UNK: variants seen among roughly 807,000 people sequenced by gnomAD.
The protein encoded by UNK is RING finger protein unkempt homolog.
Under a neutral mutation model 97.6 loss-of-function variants are expected in UNK, and 32 were observed. The ratio of observed to expected loss-of-function variants is 0.33; its 90% CI spans 0.25 to 0.44. The LOEUF is 0.44. UNK is among the 20% of genes least tolerant of loss of function. The probability of loss-of-function intolerance (pLI) is 1.00; values close to 1 mark genes in which losing one functional copy is unlikely to be tolerated. For synonymous variants in UNK, 441 were observed against 461.2 expected (o/e 0.96, Z 0.56); for missense variants, 771 against 1,098.4 (o/e 0.70, Z 4.21).
At chr17:75,799,026 A>G (rs948407945) in intron 1 of UNK, among the ~76,000 whole-genome samples, 1 of 151,806 alleles carries the variant, frequency 6.6e-6, no homozygotes, top group African/African-American at 2.4e-5. Context: ...AGATCGGGCC[A>G]CTGGACTCCA....
rs1021452108 is a variant in UNK, at chr17:75,809,842, C to A, written c.187C>A (p.His63Asn). The A allele has an allele frequency of 3.1e-6, 5 of 1,613,686 alleles. No individual in the cohort carries two copies. Among genetic ancestry groups the A allele is most frequent in the Non-Finnish European group, 4.2e-6 (5 of 1,179,876 alleles). The stretch of plus-strand genomic sequence containing the variant: ...GCAGCATCGGCCCTACACCTGCTTC[C>A]ACTGGCACTTCGTGAACCAGCGGCG... ...CTQHRPYTCF[H>N]WHFVNQRRRR... The change falls in exon 2 of 16, where the codon CAC (histidine) becomes AAC (asparagine). Residue 63 changes from histidine (H) to asparagine (N), a missense_variant. By Grantham distance (68) the His-to-Asn change is moderately conservative. Coordinates refer to ENST00000589666, the MANE Select transcript of UNK (RefSeq NM_001080419.3).
In UNK at chr17:75,819,041, G is replaced by A; in HGVS notation, c.1546+225G>A. The A allele has an allele frequency of 2.0e-6, 1 of 493,228 alleles. No individual in the cohort carries two copies. The highest frequency in any genetic ancestry group is 3.5e-5 in the East Asian group (1 of 28,580). The allele number at this position is 493,228 out of a possible 1,614,324, so 30.6% of individuals were successfully genotyped here. A position where few individuals can be genotyped will look rare whatever the true frequency, so the allele number is the denominator to read the frequency against. ...TCCTTTGTGCAAATTAGAAAGAGGTGCCTTTTCCCCTTGGTGAGTACAGTC... is the reference window on the plus strand; with the variant it reads ...TCCTTTGTGCAAATTAGAAAGAGGTACCTTTTCCCCTTGGTGAGTACAGTC... On this transcript the variant is annotated intron_variant, in intron 11 of 15. Coordinates refer to ENST00000589666, the MANE Select transcript of UNK (RefSeq NM_001080419.3). The surrounding 1 kb of genome is among the most constrained non-coding windows in gnomAD (Gnocchi z 5.4).
intron 1 of UNK, 129 bp from the exon 2 acceptor site, chr17:75,809,631 C>T: frequency 1.0e-6 from 1 of 965,846 alleles, no homozygotes; most frequent in Non-Finnish European, 1.5e-6. Flanking sequence ...CTGGGTCTCT[C>T]CTGGTGTTCC....
chr17:75,817,367 C>T lies in UNK; in HGVS notation c.1146C>T (p.Leu382=), dbSNP rs199969218. ...GCAGCCTAGGCAGCCCGTCTAACCT[C>T]TGCGGCTCCCCACCGGGCTCCATCA... The part of the protein sequence containing the change: ...RNSSLGSPSN[L]CGSPPGSIRK... The change falls in exon 9 of 16, where the codon CTC becomes CTT. Residue 382 remains leucine, a synonymous_variant. Coordinates refer to ENST00000589666, the MANE Select transcript of UNK (RefSeq NM_001080419.3). This position sits in a 1 kb window ranked among gnomAD's most constrained non-coding sequence, Gnocchi z 5.8. The T allele has an allele frequency of 9.9e-6, 16 of 1,609,524 alleles. 1 individual carries two copies. Among genetic ancestry groups the T allele is most frequent in the Non-Finnish European group, 1.4e-5 (16 of 1,177,552 alleles).
intron 1 of UNK, among the ~76,000 whole-genome samples, chr17:75,801,059 A>G (rs1350588116): frequency 6.6e-6 from 1 of 151,512 alleles, no homozygotes; most frequent in Admixed American, 6.6e-5. Context: ...GCCAGCCACC[A>G]CGCCCGGCTA....
intron 1 of UNK, among the ~76,000 whole-genome samples, chr17:75,796,178 C>T (rs1567795753): frequency 6.6e-6 from 1 of 152,130 alleles, no homozygotes; most frequent in Non-Finnish European, 1.5e-5. Context: ...TCACCAGACA[C>T]TTATTTTATT....
chr17:75,793,368 T>G, intron 1 of UNK: 1 of 963,498 alleles, frequency 1.0e-6, no homozygotes, highest in Non-Finnish European at 1.2e-6. Flanking sequence ...ACTATATTAG[T>G]TCAAGTAATC....
chr17:75,792,028 T>C, intron 1 of UNK: 1 of 985,460 alleles, frequency 1.0e-6, no homozygotes. Context: ...AGGTGAGGTC[T>C]CTTTCCTGTG....
Position 75,819,014 on chromosome 17 carries a change from G to A in UNK, c.1546+198G>A, listed in dbSNP as rs577298690. On this transcript the variant is annotated intron_variant, in intron 11 of 15. Coordinates refer to ENST00000589666, the MANE Select transcript of UNK (RefSeq NM_001080419.3). The surrounding 1 kb of genome is among the most constrained non-coding windows in gnomAD (Gnocchi z 5.4). ...TGTAGGGCCAGGACTGACCCTTAGA[G>A]CTCCTTTGTGCAAATTAGAAAGAGG... is the stretch of plus-strand genomic sequence containing the variant. 5.0e-4 allele frequency: 277 copies of A among 556,424 alleles called. No homozygotes were observed. The highest frequency in any genetic ancestry group is 4.9e-3 in the African/African-American group (253 of 51,446). The allele number at this position is 556,424 out of a possible 1,614,324, so 34.5% of individuals were successfully genotyped here. A position where few individuals can be genotyped will look rare whatever the true frequency, so the allele number is the denominator to read the frequency against.
In UNK at chr17:75,816,957, A is replaced by G. The variant is rs2143804302; in HGVS notation, c.1104+45A>G. On this transcript the variant is annotated intron_variant, in intron 8 of 15. Coordinates refer to ENST00000589666, the MANE Select transcript of UNK (RefSeq NM_001080419.3). This position sits in a 1 kb window ranked among gnomAD's most constrained non-coding sequence, Gnocchi z 4.0. ...AGTGGGTGGGCACCATGCCTGACAG[A>G]GCCAATACTTGCCTCCTAGGCCCTT... The G allele has an allele frequency of 2.5e-6, 4 of 1,569,034 alleles. No individual in the cohort carries two copies. The highest frequency in any genetic ancestry group is 3.4e-6 in the Non-Finnish European group (4 of 1,162,852).
chr17:75,810,109 C>A, intron 2 of UNK, 140 bp downstream of exon 2: 1 of 993,290 alleles, frequency 1.0e-6, no homozygotes, highest in Non-Finnish European at 1.5e-6. Flanking sequence ...TGGACTCAGA[C>A]CCCACCATCC....
rs2062096022 is a variant in UNK at position 75,824,109 on chromosome 17, C to G, written c.2278-153C>G. 6.6e-6 allele frequency among the ~76,000 whole-genome samples: 1 copy of G among 152,128 alleles called. No homozygotes were observed. The highest frequency in any genetic ancestry group is 1.5e-5 in the Non-Finnish European group (1 of 68,014). ...CATGCAGAGGTGGACTCAGCCTGCT[C>G]TCTCACCTGCCAACAGGGGTCTGGG... On this transcript the variant is annotated intron_variant, in intron 15 of 15. Transcript: ENST00000589666. This position sits in a 1 kb window ranked among gnomAD's most constrained non-coding sequence, Gnocchi z 4.9.
At chr17:75,795,789 G>A (rs559040554) in intron 1 of UNK, among the ~76,000 whole-genome samples, 1 of 152,246 alleles carries the variant, frequency 6.6e-6, no homozygotes, top group African/African-American at 2.4e-5. Context: ...GGCCCCACAG[G>A]GCAAGGGGAC....
intron 6 of UNK, 106 bp downstream of exon 6, chr17:75,813,984 A>G (rs2061993982): frequency 9.6e-7 from 1 of 1,041,082 alleles, no homozygotes; most frequent in Non-Finnish European, 1.4e-6. Flanking sequence ...ATCCTGGAAG[A>G]GGGACTTGTG....
At chr17:75,788,414 G>C (rs926103684) in intron 1 of UNK, among the ~76,000 whole-genome samples, 1 of 152,088 alleles carries the variant, frequency 6.6e-6, no homozygotes, top group Non-Finnish European at 1.5e-5. Context: ...TCCTAACCTC[G>C]TGATCCGCCC....
chr17:75,823,419 A>G lies in UNK; in HGVS notation c.2174A>G (p.Glu725Gly). Residue 725 changes from glutamate to glycine, a missense_variant, in exon 15 of 16, where the codon GAG (glutamate) becomes GGG (glycine). This residue lies in a region of UNK where 208 missense variants were observed against 257.4 expected (regional missense o/e 0.81). Transcript: ENST00000589666. ...CTGGAGCGGCTACACGCGGGGCCTG[A>G]GCCCCAGGCCCTGCCCGCCTTCTCC... ...EELERLHAGP[E>G]PQALPAFSDL... 3.1e-6 allele frequency: 5 copies of G among 1,599,030 alleles called. No individual in the cohort carries two copies. Among genetic ancestry groups the G allele is most frequent in the South Asian group, 1.1e-5 (1 of 89,760 alleles).
intron 1 of UNK, among the ~76,000 whole-genome samples, chr17:75,786,324 G>A (rs1036669204): frequency 5.3e-5 from 8 of 152,140 alleles, no homozygotes; most frequent in Admixed American, 6.5e-5. Context: ...TCACGTAATT[G>A]GAACTTCTTT....
intron 4 of UNK, 43 bp downstream of exon 4, chr17:75,812,628 G>A (rs1423254052): frequency 1.3e-6 from 2 of 1,589,746 alleles, no homozygotes; most frequent in South Asian, 1.1e-5. Flanking sequence ...CTATAATCCT[G>A]CTCATAGCTG....
chr17:75,805,842 G>GTGTGTGTA (rs2061909135), intron 1 of UNK, among the ~76,000 whole-genome samples: 1 of 146,474 alleles, frequency 6.8e-6, no homozygotes, highest in African/African-American at 2.6e-5. Context: ...GTGTGTGTGT[G>GTGTGTGTA]TGTATAATAT....
Sources: allele counts gnomAD v4.1 joint callset (sites outside exome capture counted in the v4.1 genomes callset), GRCh38; gene constraint gnomAD v4.1.1; regional missense constraint gnomAD v4.1.1; non-coding constraint Gnocchi (gnomAD v3.1); transcripts MANE v1.5; gene names NCBI Gene and HGNC (gene_info 2026-07-23, HGNC 2026-07-21).